Variants in IMPA2 observed in about 807,000 individuals in gnomAD.
IMPA2 encodes the protein inositol monophosphatase 2.
IMPA2 carries 32 observed loss-of-function variants against 35.1 expected under a neutral mutation model. The ratio of observed to expected loss-of-function variants is 0.91; its 90% CI spans 0.69 to 1.23. IMPA2 has a LOEUF of 1.23. IMPA2 is among the 50% of genes most tolerant of loss of function. The pLI is 0.00. For missense variants in IMPA2, 334 were observed against 387.6 expected, an observed-to-expected ratio of 0.86 and a Z score of 1.16; for synonymous variants, 135 against 160.6, an observed-to-expected ratio of 0.84 and a Z score of 1.20.
intron 1 of IMPA2, among the ~76,000 whole-genome samples, chr18:11,989,132 C>T (rs548378576): frequency 1.3e-5 from 2 of 152,314 alleles, no homozygotes; most frequent in African/African-American, 4.8e-5. Context: ...AGGAGGAGAG[C>T]AGGCTTGGCC....
At chr18:11,983,681 C>CGGTCAGGAA (rs1275508892) in intron 1 of IMPA2, among the ~76,000 whole-genome samples, 10 of 151,576 alleles carry the variant, frequency 6.6e-5, no homozygotes, top group Non-Finnish European at 1.0e-4. Flanking sequence ...ATTAGGAGTC[C>CGGTCAGGAA]GGTCAGGAAG....
At chr18:12,027,567 ATTTTTTTT>A (rs138876745) in intron 5 of IMPA2, among the ~76,000 whole-genome samples, 23 of 90,970 alleles carry the variant, frequency 2.5e-4, no homozygotes, top group Middle Eastern at 7.1e-3. Context: ...AATGATGGTG[ATTTTTTTT>A]TTTTTTTTTT....
At chr18:11,992,004 C>T (rs1906828945) in intron 1 of IMPA2, among the ~76,000 whole-genome samples, 1 of 152,280 alleles carries the variant, frequency 6.6e-6, no homozygotes, top group Non-Finnish European at 1.5e-5. Context: ...CCAGCACACC[C>T]ACCTAATTTT....
intron 1 of IMPA2, among the ~76,000 whole-genome samples, chr18:11,996,177 AT>A (rs1450655034): frequency 6.6e-6 from 1 of 152,142 alleles, no homozygotes; most frequent in Admixed American, 6.5e-5. Flanking sequence ...GCAGAAACAG[AT>A]TTGGTTAGGA....
intron 5 of IMPA2, among the ~76,000 whole-genome samples, chr18:12,021,168 G>T (rs1237701225): frequency 6.6e-6 from 1 of 152,136 alleles, no homozygotes; most frequent in African/African-American, 2.4e-5. Context: ...GAGGCAGGAG[G>T]TTCACTTGAG....
intron 5 of IMPA2, among the ~76,000 whole-genome samples, chr18:12,016,336 G>T (rs2143813039): frequency 6.6e-6 from 1 of 152,102 alleles, no homozygotes; most frequent in African/African-American, 2.4e-5. Flanking sequence ...CCTATGGGTA[G>T]ATGGACTTCA....
intron 5 of IMPA2, among the ~76,000 whole-genome samples, chr18:12,027,412 G>A (rs1235365559): frequency 6.6e-6 from 1 of 152,104 alleles, no homozygotes; most frequent in Non-Finnish European, 1.5e-5. Flanking sequence ...CCTTTCCAAA[G>A]CAGCATTATT....
At chr18:12,007,379 G>A (rs754784651) in intron 2 of IMPA2, among the ~76,000 whole-genome samples, 3 of 152,180 alleles carry the variant, frequency 2.0e-5, no homozygotes, top group Non-Finnish European at 4.4e-5. Flanking sequence ...ACTGTAAGGC[G>A]CTGAGCGGTC....
chr18:12,003,704 G>A (rs1361617065), intron 2 of IMPA2, among the ~76,000 whole-genome samples: 13 of 150,726 alleles, frequency 8.6e-5, no homozygotes, highest in African/African-American at 1.5e-4. Context: ...TGGTAAGGCC[G>A]GGTTTTTATA....
intron 5 of IMPA2, among the ~76,000 whole-genome samples, chr18:12,023,543 T>C (rs1907794079): frequency 6.6e-6 from 1 of 152,236 alleles, no homozygotes. Context: ...AGTACCTGCC[T>C]GTCTAGGCTG....
chr18:12,025,429 ATT>A, intron 5 of IMPA2, among the ~76,000 whole-genome samples: 1 of 152,186 alleles, frequency 6.6e-6, no homozygotes, highest in African/African-American at 2.4e-5. Flanking sequence ...GTATGTTTAG[ATT>A]TGTAGGAAAC....
chr18:12,006,175 A>C lies in IMPA2; in HGVS notation c.231-3708A>C, dbSNP rs530564532. ...GGCAGTGCTGACAGCACTTATGATC[A>C]CGCCCTAAGTGGAATCATCACCTGT... On this transcript the variant is annotated intron_variant, in intron 2 of 7. Coordinates refer to ENST00000269159, the MANE Select transcript of IMPA2 (RefSeq NM_014214.3). Among the ~76,000 whole-genome samples, 55 of 152,334 alleles carry C rather than the reference A, an allele frequency of 3.6e-4. 1 individual carries two copies. The East Asian group carries it at 0.01, about 28-fold the overall frequency.
chr18:12,022,941 A>ATTTT (rs35737614), intron 5 of IMPA2, among the ~76,000 whole-genome samples: 28 of 81,698 alleles, frequency 3.4e-4, no homozygotes, highest in South Asian at 5.7e-4. Flanking sequence ...CGCCTGCCTA[A>ATTTT]TTTTTTTTTT....
intron 6 of IMPA2, 71 bp downstream of exon 6, chr18:12,028,222 C>A: frequency 9.9e-7 from 1 of 1,012,936 alleles, no homozygotes; most frequent in Non-Finnish European, 1.5e-6. Context: ...TGCTAAAACT[C>A]CCCTGGGATT....
intron 2 of IMPA2, among the ~76,000 whole-genome samples, chr18:12,007,618 CTT>C (rs1452113122): frequency 3.7e-3 from 471 of 126,946 alleles, no homozygotes; most frequent in African/African-American, 0.013. Flanking sequence ...TTCTTTCTTT[CTT>C]TTTCTTTCTT....
intron 2 of IMPA2, among the ~76,000 whole-genome samples, chr18:12,007,821 C>T (rs1165364132): frequency 2.0e-5 from 3 of 150,904 alleles, no homozygotes; most frequent in East Asian, 1.9e-4. Context: ...CTTGTCACCC[C>T]GGCTGGAGTG....
chr18:12,016,411 T>C (rs192339933), intron 5 of IMPA2, among the ~76,000 whole-genome samples: 86 of 150,860 alleles, frequency 5.7e-4, no homozygotes, highest in Non-Finnish European at 8.5e-4. Context: ...CAATTTCAGA[T>C]CCTGATTCTG....
chr18:12,018,140 C>G (rs1907633057), intron 5 of IMPA2: 1 of 154,428 alleles, frequency 6.5e-6, no homozygotes, highest in South Asian at 1.9e-4. Context: ...AGGGTTTTGT[C>G]ATGTTGGCCA....
intron 5 of IMPA2, among the ~76,000 whole-genome samples, chr18:12,014,862 C>T (rs1243205569): frequency 6.6e-6 from 1 of 152,180 alleles, no homozygotes; most frequent in Non-Finnish European, 1.5e-5. Flanking sequence ...AGCCCCTCTG[C>T]AGTTATGGCC....
Sources: gnomAD v4.1 joint callset for allele counts (sites outside exome capture counted in the v4.1 genomes callset) on GRCh38, gnomAD v4.1.1 for gene constraint, MANE v1.5 for transcripts, NCBI Gene and HGNC (gene_info 2026-07-23, HGNC 2026-07-21) for gene names.